The following NAV3 variants were observed in gnomAD, a reference collection of about 807,000 sequenced individuals.
NAV3 encodes pore membrane and/or filament interacting like protein 1.
NAV3 carries 87 observed loss-of-function variants against 244.7 expected under a neutral mutation model. The observed-to-expected ratio is 0.36, with a 90% CI of 0.30 to 0.42. The LOEUF is 0.42. NAV3 is among the 20% of genes least tolerant of loss of function. NAV3 has a pLI of 1.00. For missense variants in NAV3, 2,663 were observed against 2,893.3 expected (o/e 0.92, Z 1.83); for synonymous variants, 1,126 against 1,042.2 (o/e 1.08, Z -1.55).
chr12:77,982,140 T>G (rs1869682227), intron 5 of NAV3, among the ~76,000 whole-genome samples: 2 of 152,246 alleles, frequency 1.3e-5, no homozygotes, highest in African/African-American at 4.8e-5. Flanking sequence ...TAAAAATTAC[T>G]GTTTTCTACT....
At chr12:78,010,134 A>G (rs1875009632) in intron 8 of NAV3, among the ~76,000 whole-genome samples, 1 of 152,196 alleles carries the variant, frequency 6.6e-6, no homozygotes, top group African/African-American at 2.4e-5. Flanking sequence ...AAGTTTTTAA[A>G]TCAATGCAGA....
chr12:77,774,111 G>A (rs934601558), intron 2 of NAV3, among the ~76,000 whole-genome samples: 1 of 152,086 alleles, frequency 6.6e-6, no homozygotes, highest in Non-Finnish European at 1.5e-5. Flanking sequence ...TTCCTTTGAG[G>A]ATTAAGTATC....
At chr12:77,834,022 C>T (rs1026253091) in intron 1 of NAV3, among the ~76,000 whole-genome samples, 1 of 152,180 alleles carries the variant, frequency 6.6e-6, no homozygotes, top group East Asian at 1.9e-4. Context: ...TGTTCTTCCG[C>T]CAGTGTGTTC....
At chr12:78,178,916 G>C (rs1958377861) in intron 28 of NAV3, among the ~76,000 whole-genome samples, 1 of 152,108 alleles carries the variant, frequency 6.6e-6, no homozygotes, top group African/African-American at 2.4e-5. Context: ...CCTGCTAACA[G>C]GGGCTGAAAC....
At chr12:78,158,476 T>C (rs1957397442) in intron 22 of NAV3, among the ~76,000 whole-genome samples, 1 of 152,138 alleles carries the variant, frequency 6.6e-6, no homozygotes, top group Non-Finnish European at 1.5e-5. Flanking sequence ...GTTATAGTTA[T>C]GTACTACAAT....
Position 77,731,085 on chromosome 12 carries a change from C to T in NAV3, c.72+158819C>T, listed in dbSNP as rs115170990. Among the ~76,000 whole-genome samples, 398 of 151,988 alleles carry T rather than the reference C, an allele frequency of 2.6e-3. 2 individuals carry two copies. Among genetic ancestry groups the T allele is most frequent in the African/African-American group, 9.1e-3 (376 of 41,508 alleles). On this transcript the variant is annotated intron_variant, in intron 2 of 8. Coordinates refer to the NAV3 transcript ENST00000550042. ...TCCACTCATACAACTTGTGGTTCAT[C>T]AAACTAAGGGAATAAATCAAGAATG...
At chr12:78,042,531 G>A (rs535288040) in intron 9 of NAV3, among the ~76,000 whole-genome samples, 14 of 152,278 alleles carry the variant, frequency 9.2e-5, no homozygotes, top group East Asian at 3.9e-4. Context: ...GGTGGCTCAC[G>A]CCTGAAATCC....
intron 2 of NAV3, among the ~76,000 whole-genome samples, chr12:77,596,551 G>T (rs897118036): frequency 2.6e-5 from 4 of 151,888 alleles, no homozygotes; most frequent in African/African-American, 9.7e-5. Flanking sequence ...TTTATACAGG[G>T]TATATCAGAA....
intron 2 of NAV3, among the ~76,000 whole-genome samples, chr12:77,577,707 G>T (rs1370239775): frequency 6.6e-6 from 1 of 152,060 alleles, no homozygotes; most frequent in Non-Finnish European, 1.5e-5. Flanking sequence ...CATTAATTAT[G>T]ACTGTAATTA....
chr12:78,058,921 C>A, intron 11 of NAV3, 75 bp from the exon 12 acceptor site: 5 of 1,318,718 alleles, frequency 3.8e-6, no homozygotes, highest in Non-Finnish European at 4.0e-6. Context: ...TTGTGGACAC[C>A]GTTTGTTTAT....
intron 12 of NAV3, among the ~76,000 whole-genome samples, chr12:78,091,342 G>T (rs913469477): frequency 2.0e-5 from 3 of 152,108 alleles, no homozygotes; most frequent in African/African-American, 7.2e-5. Flanking sequence ...TTGCTAAAAG[G>T]CATAACTCTT....
chr12:78,132,946 T>C (rs929433246), intron 18 of NAV3, among the ~76,000 whole-genome samples: 9 of 152,176 alleles, frequency 5.9e-5, no homozygotes, highest in South Asian at 4.1e-4. Context: ...ACTGTGCTCT[T>C]CATATTGTAC....
chr12:78,188,805 G>T (rs1286756137), intron 33 of NAV3, 28 bp downstream of exon 33: 2 of 1,600,548 alleles, frequency 1.2e-6, no homozygotes, highest in Admixed American at 3.4e-5. Flanking sequence ...AAGCAAGGCA[G>T]AAATATAATT....
At chr12:78,180,661 G>A (rs1257667527) in intron 29 of NAV3, among the ~76,000 whole-genome samples, 1 of 151,998 alleles carries the variant, frequency 6.6e-6, no homozygotes, top group Non-Finnish European at 1.5e-5. Context: ...GTCTATATTT[G>A]TGAATTCAGG....
intron 13 of NAV3, 41 bp downstream of exon 13, chr12:78,116,945 CT>C: frequency 8.7e-6 from 14 of 1,603,060 alleles, no homozygotes; most frequent in South Asian, 3.3e-5. Context: ...TTTCTGCCAG[CT>C]TTTTCCCCAA....
At position 78,120,408 on chromosome 12, in the gene NAV3, G is replaced by A. The variant is rs939364737; in HGVS notation, c.3749+463G>A. On this transcript the variant is annotated intron_variant, in intron 15 of 39. Transcript: ENST00000397909. The stretch of plus-strand genomic sequence containing the variant: ...GGTGATCATAAATGTAGATGAAGTT[G>A]TTTTCCTTGTAACAGATTCCATTGG... Among the ~76,000 whole-genome samples, 7 of 152,062 alleles carry A rather than the reference G, an allele frequency of 4.6e-5. No individual in the cohort carries two copies. The East Asian group carries it at 1.3e-3, about 29-fold the overall frequency.
intron 5 of NAV3, among the ~76,000 whole-genome samples, chr12:77,986,260 G>T (rs936678247): frequency 6.6e-6 from 1 of 152,156 alleles, no homozygotes. Flanking sequence ...TACTTGGGAG[G>T]CTGAGGCAGG....
intron 2 of NAV3, among the ~76,000 whole-genome samples, chr12:77,621,241 C>G (rs552460292): frequency 1.3e-5 from 2 of 152,128 alleles, no homozygotes; most frequent in Admixed American, 6.6e-5. Flanking sequence ...ATAGTTAACA[C>G]TAGAAGCTCT....
At chr12:78,106,080 G>A (rs1954787252) in intron 12 of NAV3, among the ~76,000 whole-genome samples, 1 of 151,410 alleles carries the variant, frequency 6.6e-6, no homozygotes, top group South Asian at 2.1e-4. Flanking sequence ...TCATCTTATT[G>A]TTGCATTAAT....
Sources: gnomAD v4.1 joint callset for allele counts (sites outside exome capture counted in the v4.1 genomes callset) on GRCh38, gnomAD v4.1.1 for gene constraint, MANE v1.5 for transcripts, NCBI Gene and HGNC (gene_info 2026-07-23, HGNC 2026-07-21) for gene names.